Variants in ZSCAN5A observed in about 807,000 individuals in gnomAD.
ZSCAN5A encodes the protein zinc finger and SCAN domain containing 5A, also known as zinc finger and SCAN domain-containing protein 5A.
ZSCAN5A carries 12 observed loss-of-function variants against 23.7 expected under a neutral mutation model. The ratio of observed to expected loss-of-function variants is 0.51; its 90% CI spans 0.32 to 0.82. ZSCAN5A has a LOEUF of 0.82. Among genes scored for constraint, ZSCAN5A ranks in the 40% least tolerant of loss-of-function variants. ZSCAN5A has a pLI of 0.03. For synonymous variants in ZSCAN5A, 257 were observed against 239.9 expected, an observed-to-expected ratio of 1.07 and a Z score of -0.66; for missense variants, 597 against 617.9, an observed-to-expected ratio of 0.97 and a Z score of 0.36.
At chr19:56,255,483 G>A (rs1007008814) in intron 2 of ZSCAN5A, among the ~76,000 whole-genome samples, 5 of 152,056 alleles carry the variant, frequency 3.3e-5, no homozygotes, top group African/African-American at 4.8e-5. Flanking sequence ...CTCACAGGCC[G>A]ACTCTGTGCC....
Position 56,222,031 on chromosome 19 carries a change from CG to C in ZSCAN5A, c.1034del (p.Pro345ArgfsTer27), listed in dbSNP as rs1349591254. ...GCAGTGCCTTGGCTTCTTGGCCATC[CG>C]GGTGACTGACTGGGCTCGCAGGGCC... ...SPGPASPVSH[P>X]DGQEAKALPP... On this transcript the variant is annotated frameshift_variant, in exon 6 of 6. Transcript: ENST00000683990. LOFTEE classifies it low-confidence loss of function (END_TRUNC). The C allele has an allele frequency of 6.2e-7, 1 of 1,614,006 alleles. No individual in the cohort carries two copies. Among genetic ancestry groups the C allele is most frequent in the African/African-American group, 1.3e-5 (1 of 74,910 alleles).
At chr19:56,242,180 C>T (rs1340925690) in intron 2 of ZSCAN5A, among the ~76,000 whole-genome samples, 1 of 152,178 alleles carries the variant, frequency 6.6e-6, no homozygotes, top group Non-Finnish European at 1.5e-5. Context: ...CCCCTTTCCC[C>T]CGAATCCTCA....
chr19:56,321,501 C>T, intron 2 of ZSCAN5A: 1 of 722,156 alleles, frequency 1.4e-6, no homozygotes, highest in Non-Finnish European at 2.6e-6. Context: ...CATCCTTGCA[C>T]CATGCACCAC....
intron 2 of ZSCAN5A, among the ~76,000 whole-genome samples, chr19:56,331,775 T>C (rs2041491880): frequency 6.6e-6 from 1 of 151,682 alleles, no homozygotes; most frequent in South Asian, 2.1e-4. Flanking sequence ...TTGGTAGAGA[T>C]GGGGTTTCGT....
At chr19:56,250,163 T>C (rs1007266462) in intron 2 of ZSCAN5A, among the ~76,000 whole-genome samples, 2 of 152,128 alleles carry the variant, frequency 1.3e-5, no homozygotes, top group Non-Finnish European at 2.9e-5. Flanking sequence ...AGAGAGTGGA[T>C]TTAAGGCTGG....
intron 2 of ZSCAN5A, among the ~76,000 whole-genome samples, chr19:56,306,098 C>T (rs2040667409): frequency 6.6e-6 from 1 of 152,136 alleles, no homozygotes; most frequent in African/African-American, 2.4e-5. Context: ...TGGGAAGCCA[C>T]GGAAAGGCTG....
chr19:56,338,662 T>A (rs1360170061), intron 2 of ZSCAN5A: 1 of 152,234 alleles, frequency 6.6e-6, no homozygotes, highest in African/African-American at 2.4e-5. Context: ...ACCAGGACTA[T>A]GGGTCTTTGT....
chr19:56,326,392 T>C (rs1184821981), intron 2 of ZSCAN5A, among the ~76,000 whole-genome samples: 1 of 151,994 alleles, frequency 6.6e-6, no homozygotes, highest in Non-Finnish European at 1.5e-5. Context: ...TAGGATTCTC[T>C]ATGTTCACCA....
At position 56,246,890 on chromosome 19, in the gene ZSCAN5A, G is replaced by A. The variant is rs910835562; in HGVS notation, c.-127-21717C>T. On this transcript the variant is annotated intron_variant, in intron 2 of 5. Transcript: ENST00000683990. ...CTGAATCTGAGATGTCCCAAAAGAA[G>A]CAAACCAGACGCCACCTCCATTTCC... 3 of 1,609,536 alleles carry A rather than the reference G, an allele frequency of 1.9e-6. No homozygotes were observed. The African/African-American group carries it at 4.0e-5, about 22-fold the overall frequency.
chr19:56,282,747 A>G (rs2038809476), intron 2 of ZSCAN5A, among the ~76,000 whole-genome samples: 1 of 152,240 alleles, frequency 6.6e-6, no homozygotes. Context: ...TGGTCCGCAC[A>G]TGGCTCAAGG....
intron 2 of ZSCAN5A, among the ~76,000 whole-genome samples, chr19:56,353,112 C>G (rs1235419968): frequency 6.6e-6 from 1 of 152,094 alleles, no homozygotes; most frequent in Non-Finnish European, 1.5e-5. Flanking sequence ...AGCTGAGAAC[C>G]GCATGGATGA....
At chr19:56,299,651 C>G (rs946726025) in intron 2 of ZSCAN5A, among the ~76,000 whole-genome samples, 9 of 152,188 alleles carry the variant, frequency 5.9e-5, no homozygotes, top group Non-Finnish European at 1.2e-4. Flanking sequence ...ATAATGCTTG[C>G]ATTTAACCTA....
chr19:56,350,820 A>G (rs2147459232), intron 2 of ZSCAN5A, among the ~76,000 whole-genome samples: 1 of 152,134 alleles, frequency 6.6e-6, no homozygotes, highest in African/African-American at 2.4e-5. Flanking sequence ...CTTAAATCAA[A>G]TAAAGTTTAA....
chr19:56,305,835 G>A (rs980687123), intron 2 of ZSCAN5A, among the ~76,000 whole-genome samples: 1 of 152,188 alleles, frequency 6.6e-6, no homozygotes, highest in East Asian at 1.9e-4. Flanking sequence ...ATGAATCAAA[G>A]GCCTGTAGAA....
chr19:56,321,006 C>A (rs1246862875), intron 2 of ZSCAN5A: 6 of 706,444 alleles, frequency 8.5e-6, no homozygotes, highest in Non-Finnish European at 1.6e-5. Context: ...AAGTTGTCCA[C>A]TTTCCACCTG....
intron 1 of ZSCAN5A, among the ~76,000 whole-genome samples, chr19:56,364,699 T>C (rs924634705): frequency 3.9e-5 from 6 of 152,212 alleles, no homozygotes; most frequent in African/African-American, 1.4e-4. Context: ...AATGAGTGAA[T>C]GCATAAACTA....
intron 1 of ZSCAN5A, among the ~76,000 whole-genome samples, chr19:56,313,873 G>C (rs771532926): frequency 2.6e-5 from 4 of 152,194 alleles, no homozygotes; most frequent in Non-Finnish European, 5.9e-5. Flanking sequence ...AGAGTTTACT[G>C]GGTGACCAAG....
At chr19:56,303,486 G>GA (rs931078341) in intron 2 of ZSCAN5A, among the ~76,000 whole-genome samples, 12 of 104,336 alleles carry the variant, frequency 1.2e-4, no homozygotes, top group South Asian at 3.6e-4. Context: ...AAAGTAAATA[G>GA]AAAAAAAAAG....
At chr19:56,254,024 A>T (rs2036533896) in intron 2 of ZSCAN5A, among the ~76,000 whole-genome samples, 1 of 152,052 alleles carries the variant, frequency 6.6e-6, no homozygotes, top group Non-Finnish European at 1.5e-5. Flanking sequence ...AACAACAGAA[A>T]AGGTTATCTA....
Sources: allele counts gnomAD v4.1 joint callset (sites outside exome capture counted in the v4.1 genomes callset), GRCh38; gene constraint gnomAD v4.1.1; transcripts MANE v1.5; gene names NCBI Gene and HGNC (gene_info 2026-07-23, HGNC 2026-07-21).